Variants in ULK4 observed in about 807,000 individuals in gnomAD.
ULK4 encodes inactive serine/threonine-protein kinase ULK4.
In ULK4, 133 loss-of-function variants were observed where a neutral mutation model predicts 160.6. That is an observed-to-expected ratio of 0.83 (90% CI 0.72 to 0.96). The LOEUF (loss-of-function observed/expected upper bound fraction) is 0.96. ULK4 is among the 40% of genes least tolerant of loss of function. ULK4 has a pLI of 0.00. For synonymous variants in ULK4, 534 were observed against 539.8 expected (o/e 0.99, Z 0.15); for missense variants, 1,580 against 1,499.5 (o/e 1.05, Z -0.89).
At chr3:41,646,753 A>G (rs376795057) in intron 30 of ULK4, among the ~76,000 whole-genome samples, 15 of 152,144 alleles carry the variant, frequency 9.9e-5, no homozygotes, top group African/African-American at 1.4e-4. Flanking sequence ...TTGCTAGATT[A>G]GGGAAGTTCT....
At chr3:41,873,009 C>T (rs142643528) in intron 17 of ULK4, among the ~76,000 whole-genome samples, 374 of 151,982 alleles carry the variant, frequency 2.5e-3, no homozygotes, top group African/African-American at 7.9e-3. Context: ...AAAAATAAGC[C>T]GAGTATGGTG....
intron 31 of ULK4, among the ~76,000 whole-genome samples, chr3:41,569,175 C>T (rs1213623377): frequency 1.3e-5 from 2 of 152,060 alleles, no homozygotes; most frequent in African/African-American, 4.8e-5. Flanking sequence ...TGTTATAGGT[C>T]CTTTGGGGTT....
intron 22 of ULK4, among the ~76,000 whole-genome samples, chr3:41,746,044 G>A (rs1471650303): frequency 1.3e-5 from 2 of 150,768 alleles, no homozygotes; most frequent in Non-Finnish European, 3.0e-5. Context: ...AAAATCTAGA[G>A]TTAACACCAT....
intron 8 of ULK4, among the ~76,000 whole-genome samples, chr3:41,913,822 G>T (rs1431747095): frequency 6.6e-6 from 1 of 152,064 alleles, no homozygotes; most frequent in Admixed American, 6.5e-5. Flanking sequence ...AATTAGTTGG[G>T]TGTGGGGGCC....
intron 32 of ULK4, among the ~76,000 whole-genome samples, chr3:41,507,595 T>A (rs1164548641): frequency 2.3e-5 from 1 of 44,218 alleles, no homozygotes; most frequent in Non-Finnish European, 4.2e-5. Context: ...GCTGAAATAA[T>A]ATATTAAAAC....
At chr3:41,939,987 TGGTGTCAAAACAAGTTGGGTACC>T (rs1699899930) in intron 2 of ULK4, among the ~76,000 whole-genome samples, 1 of 151,640 alleles carries the variant, frequency 6.6e-6, no homozygotes, top group Non-Finnish European at 1.5e-5. Flanking sequence ...AACCAGTCCC[TGGTGTCAAAACAAGTTGGGTACC>T]GGTGCCATAG....
chr3:41,745,273 G>C (rs1004147913), intron 22 of ULK4, among the ~76,000 whole-genome samples: 2 of 151,022 alleles, frequency 1.3e-5, no homozygotes, highest in African/African-American at 4.9e-5. Flanking sequence ...AGCAAAACTG[G>C]TAAAAATAAA....
At chr3:41,780,375 T>C (rs1247736331) in intron 21 of ULK4, among the ~76,000 whole-genome samples, 1 of 150,238 alleles carries the variant, frequency 6.7e-6, no homozygotes, top group Non-Finnish European at 1.5e-5. Context: ...TATAAAAATT[T>C]ATATTAAAAA....
intron 21 of ULK4, among the ~76,000 whole-genome samples, chr3:41,768,577 T>G (rs1485312424): frequency 1.3e-5 from 2 of 152,138 alleles, no homozygotes; most frequent in African/African-American, 2.4e-5. Flanking sequence ...ACCTACAGCC[T>G]CAGCTGAGTT....
chr3:41,806,780 A>C (rs1407803428), intron 19 of ULK4, among the ~76,000 whole-genome samples: 1 of 152,174 alleles, frequency 6.6e-6, no homozygotes, highest in Non-Finnish European at 1.5e-5. Context: ...AAAAGCATTA[A>C]ATCAAGCTTC....
chr3:41,600,457 A>G (rs1328040380), intron 31 of ULK4, among the ~76,000 whole-genome samples: 1 of 152,188 alleles, frequency 6.6e-6, no homozygotes, highest in Non-Finnish European at 1.5e-5. Flanking sequence ...AGAGGAACCA[A>G]TGGGAGTTCA....
intron 17 of ULK4, among the ~76,000 whole-genome samples, chr3:41,865,694 G>C (rs1370720427): frequency 5.9e-5 from 9 of 152,076 alleles, no homozygotes; most frequent in Admixed American, 5.2e-4. Context: ...CAAAGAAGGT[G>C]CTCATTAAAT....
At chr3:41,388,572 A>C (rs186256204) in intron 35 of ULK4, among the ~76,000 whole-genome samples, 1,737 of 151,668 alleles carry the variant, frequency 0.011, 34 homozygotes, top group Admixed American at 0.056. Flanking sequence ...GGAAGGGATC[A>C]AGTTTCAGCT....
At chr3:41,292,157 ATTAT>A (rs1180194483) in intron 35 of ULK4, among the ~76,000 whole-genome samples, 1 of 152,138 alleles carries the variant, frequency 6.6e-6, no homozygotes, top group Non-Finnish European at 1.5e-5. Flanking sequence ...CTCTAGGTAT[ATTAT>A]TTATCAAAAA....
Position 41,455,556 on chromosome 3 carries a change from C to T in ULK4, c.3433G>A (p.Glu1145Lys), listed in dbSNP as rs778485045. Residue 1145 changes from glutamate (E) to lysine (K), a missense_variant, in exon 34 of 37, where the codon GAA becomes AAA. By Grantham distance (56) the Glu-to-Lys change is moderately conservative. Transcript: ENST00000301831. ...SGSGEDPQAA[E>K]DLLLLNRPLT... ...GGTCTGTTGAGCAGCAGCAGGTCTTCTGCAGCCTGAGGGTCCTCTCCTGAG... is the reference window on the plus strand; with the variant it reads ...GGTCTGTTGAGCAGCAGCAGGTCTTTTGCAGCCTGAGGGTCCTCTCCTGAG... The T allele has an allele frequency of 3.1e-6, 5 of 1,614,002 alleles. No individual in the cohort carries two copies. Among genetic ancestry groups the T allele is most frequent in the Non-Finnish European group, 4.2e-6 (5 of 1,179,938 alleles).
chr3:41,329,367 C>T (rs1362913683), intron 35 of ULK4, among the ~76,000 whole-genome samples: 1 of 152,154 alleles, frequency 6.6e-6, no homozygotes, highest in Non-Finnish European at 1.5e-5. Context: ...CTCTAGTGAT[C>T]TCTTTGTATT....
chr3:41,333,798 A>C (rs919114573), intron 35 of ULK4, among the ~76,000 whole-genome samples: 4 of 152,122 alleles, frequency 2.6e-5, no homozygotes, highest in Non-Finnish European at 5.9e-5. Context: ...CGCGGGGAAC[A>C]TTAAGAATTC....
intron 32 of ULK4, among the ~76,000 whole-genome samples, chr3:41,516,844 C>A (rs2085766075): frequency 6.6e-6 from 1 of 152,114 alleles, no homozygotes; most frequent in Middle Eastern, 3.2e-3. Context: ...TTGTTTGTAA[C>A]TGAAAGGATA....
chr3:41,772,396 C>A (rs536555140), intron 21 of ULK4, among the ~76,000 whole-genome samples: 19 of 151,646 alleles, frequency 1.3e-4, no homozygotes, highest in Non-Finnish European at 2.5e-4. Context: ...ATATCACCAC[C>A]GATCCCACAG....
Sources: allele counts gnomAD v4.1 joint callset (sites outside exome capture counted in the v4.1 genomes callset), GRCh38; gene constraint gnomAD v4.1.1; transcripts MANE v1.5; gene names NCBI Gene and HGNC (gene_info 2026-07-23, HGNC 2026-07-21).